RFESD: variants seen among roughly 807,000 people sequenced by gnomAD.
RFESD encodes the protein Rieske domain-containing protein.
RFESD carries 16 observed loss-of-function variants against 24.4 expected under a neutral mutation model. The ratio of observed to expected loss-of-function variants is 0.66; its 90% confidence interval spans 0.44 to 1.00. RFESD has a LOEUF of 1.00. Among genes scored for constraint, RFESD ranks in the 50% least tolerant of loss-of-function variants. The pLI is 0.00. For synonymous variants in RFESD, 59 were observed against 81.8 expected, an observed-to-expected ratio of 0.72 and a Z score of 1.50; for missense variants, 208 against 247.0, an observed-to-expected ratio of 0.84 and a Z score of 1.06.
intron 1 of RFESD, among the ~76,000 whole-genome samples, chr5:95,650,645 A>C (rs911520690): frequency 5.9e-5 from 9 of 152,234 alleles, no homozygotes; most frequent in Non-Finnish European, 1.2e-4. Context: ...TATGGGATTA[A>C]ATAAATATTT....
At chr5:95,655,900 G>C in intron 5 of RFESD, 146 bp from the exon 6 acceptor site, 1 of 685,816 alleles carries the variant, frequency 1.5e-6, no homozygotes, top group Non-Finnish European at 2.4e-6. Flanking sequence ...ATTAGGATCT[G>C]CTTTATGCTG....
chr5:95,647,671 G>A (rs184757801), intron 1 of RFESD: 7 of 151,778 alleles, frequency 4.6e-5, no homozygotes, highest in Admixed American at 2.6e-4. Context: ...ACCATCTTTG[G>A]TGACAAATAT....
intron 5 of RFESD, chr5:95,655,253 G>T (rs1750673511): frequency 6.6e-6 from 1 of 152,108 alleles, no homozygotes; most frequent in East Asian, 1.9e-4. Context: ...GTGAATCTTT[G>T]CTGACAGTTT....
Position 95,650,361 on chromosome 5 carries a change from ACACACATG to A in RFESD, c.-135-1763_-135-1756del, listed in dbSNP as rs545596040. Among the ~76,000 whole-genome samples, 159 of 152,274 alleles carry A rather than the reference ACACACATG, an allele frequency of 1.0e-3. 2 individuals carry two copies. The highest frequency in any genetic ancestry group is 9.1e-3 in the South Asian group (44 of 4,824). On this transcript the variant is annotated intron_variant, in intron 1 of 5. Transcript: ENST00000380005. ...TCAAAGCCCCTGTCTCTCCCCATCA[ACACACATG>A]CACACATGCACAAACATGAACACAC...
Position 95,652,174 on chromosome 5 carries a change from A to C in RFESD, c.-98A>C. 7.0e-7 allele frequency: 1 copy of C among 1,429,382 alleles called. No homozygotes were observed. Among genetic ancestry groups the C allele is most frequent in the Non-Finnish European group, 9.3e-7 (1 of 1,072,624 alleles). 88.5% of individuals were successfully genotyped at this position (1,429,382 alleles called of 1,614,324 possible). ...TTGCAATTCAAGGAGAATATAAGAC[A>C]GAGAAGAAAGCTGTGAATGAATTTC... is the stretch of plus-strand genomic sequence containing the variant. On this transcript the variant is annotated 5_prime_UTR_variant, in exon 2 of 6. Transcript: ENST00000380005.
chr5:95,654,030 C>A, intron 3 of RFESD, 31 bp from the exon 4 acceptor site: 1 of 1,590,990 alleles, frequency 6.3e-7, no homozygotes, highest in Non-Finnish European at 8.6e-7. Flanking sequence ...GTGAATACTT[C>A]TTGTAACTTT....
chr5:95,651,029 T>A (rs998016517), intron 1 of RFESD, among the ~76,000 whole-genome samples: 3 of 138,376 alleles, frequency 2.2e-5, no homozygotes, highest in Non-Finnish European at 4.5e-5. Context: ...ACCCAGGAGG[T>A]GGAGCTTGCA....
intron 1 of RFESD, chr5:95,647,941 ACT>A (rs1750173917): frequency 1.3e-5 from 2 of 152,214 alleles, no homozygotes; most frequent in South Asian, 4.2e-4. Flanking sequence ...TACCAAAACT[ACT>A]CTCTAAGGCA....
At chr5:95,647,785 C>T (rs1395591278) in intron 1 of RFESD, 1 of 151,972 alleles carries the variant, frequency 6.6e-6, no homozygotes, top group Admixed American at 6.6e-5. Context: ...TTTATAAAAA[C>T]GTGGGTGCTA....
intron 3 of RFESD, 39 bp downstream of exon 3, chr5:95,653,253 C>A: frequency 6.4e-7 from 1 of 1,550,668 alleles, no homozygotes. Flanking sequence ...CCCACCTTCT[C>A]TTGCTGTAAT....
chr5:95,653,653 C>G (rs1487593245), intron 3 of RFESD, among the ~76,000 whole-genome samples: 1 of 152,156 alleles, frequency 6.6e-6, no homozygotes, highest in African/African-American at 2.4e-5. Flanking sequence ...AATCCCAGCA[C>G]TTTGGGAGAC....
chr5:95,652,455 T>A, intron 2 of RFESD, 124 bp downstream of exon 2: 1 of 1,212,348 alleles, frequency 8.2e-7, no homozygotes, highest in Non-Finnish European at 1.1e-6. Flanking sequence ...TGAGATACCT[T>A]AAACTCAATA....
At chr5:95,652,521 C>A in intron 2 of RFESD, 190 bp downstream of exon 2, 1 of 693,478 alleles carries the variant, frequency 1.4e-6, no homozygotes, top group Non-Finnish European at 2.1e-6. Flanking sequence ...CCATTCATTT[C>A]TTGGCCTTTC....
intron 5 of RFESD, among the ~76,000 whole-genome samples, chr5:95,654,673 T>C (rs1434564376): frequency 3.3e-5 from 5 of 152,164 alleles, no homozygotes; most frequent in Admixed American, 3.3e-4. Context: ...GTTAAATAAA[T>C]TATGATACAG....
chr5:95,652,349 T>A lies in RFESD; in HGVS notation c.60+18T>A, dbSNP rs184371339. 7.5e-5 allele frequency: 116 copies of A among 1,549,114 alleles called. No homozygotes were observed. The highest frequency in any genetic ancestry group is 3.7e-4 in the Admixed American group (19 of 50,938). ...CTCTCCAAGTGAGTCCATAGAATTCTATGACCTGGAAACTCCCCAGTTTTT... is the reference window on the plus strand; with the variant it reads ...CTCTCCAAGTGAGTCCATAGAATTCAATGACCTGGAAACTCCCCAGTTTTT... On this transcript the variant is annotated intron_variant, in intron 2 of 5. Coordinates refer to ENST00000380005, the MANE Select transcript of RFESD (RefSeq NM_001131066.2).
chr5:95,651,419 G>C (rs1022004901), intron 1 of RFESD, among the ~76,000 whole-genome samples: 2 of 152,108 alleles, frequency 1.3e-5, no homozygotes, highest in Non-Finnish European at 2.9e-5. Flanking sequence ...TTTAGAGACA[G>C]GGTCTCACTC....
intron 1 of RFESD, chr5:95,648,048 T>C (rs1750176886): frequency 6.6e-6 from 1 of 152,234 alleles, no homozygotes; most frequent in Non-Finnish European, 1.5e-5. Flanking sequence ...TAAAAGCATC[T>C]TAGTCATGGT....
chr5:95,647,186 C>G (rs1403118129), intron 1 of RFESD: 1 of 152,244 alleles, frequency 6.6e-6, no homozygotes, highest in Non-Finnish European at 1.5e-5. Context: ...CTCCTGGAGT[C>G]TGTGTCGAGA....
At chr5:95,648,529 T>C (rs148292384) in intron 1 of RFESD, among the ~76,000 whole-genome samples, 38 of 152,342 alleles carry the variant, frequency 2.5e-4, no homozygotes, top group African/African-American at 7.5e-4. Context: ...GTAAGAATAA[T>C]ATGGGTGTTA....
Sources: allele counts gnomAD v4.1 joint callset (sites outside exome capture counted in the v4.1 genomes callset), GRCh38; gene constraint gnomAD v4.1.1; transcripts MANE v1.5; gene names NCBI Gene and HGNC (gene_info 2026-07-23, HGNC 2026-07-21).